PAX5: variants seen among roughly 807,000 people sequenced by gnomAD.
PAX5 encodes the protein paired box 5.
In PAX5, 9 loss-of-function variants were observed where a neutral mutation model predicts 43.7. The ratio of observed to expected loss-of-function variants is 0.21; its 90% CI spans 0.12 to 0.36. The LOEUF (loss-of-function observed/expected upper bound fraction) is 0.36. PAX5 is among the 10% of genes least tolerant of loss of function. The pLI, the probability that PAX5 is intolerant of heterozygous loss-of-function variation, is 1.00. For missense variants in PAX5, 383 were observed against 532.7 expected, an observed-to-expected ratio of 0.72 and a Z score of 2.77; for synonymous variants, 228 against 214.3, an observed-to-expected ratio of 1.06 and a Z score of -0.56.
chr9:36,918,795 G>T (rs1829913407), intron 7 of PAX5, among the ~76,000 whole-genome samples: 1 of 152,230 alleles, frequency 6.6e-6, no homozygotes, highest in African/African-American at 2.4e-5. Context: ...AGAAAAGTTA[G>T]AAGCTAGCAG....
chr9:36,840,712 T>G, intron 9 of PAX5, 76 bp from the exon 10 acceptor site: 1 of 896,946 alleles, frequency 1.1e-6, no homozygotes, highest in Non-Finnish European at 1.7e-6. Context: ...TTCTGTCCTT[T>G]CCTCCCCTCA....
intron 6 of PAX5, among the ~76,000 whole-genome samples, chr9:36,961,856 C>A (rs1041520591): frequency 6.6e-6 from 1 of 152,222 alleles, no homozygotes; most frequent in Admixed American, 6.5e-5. Flanking sequence ...TCGCCACCAG[C>A]AGCTTTCTTT....
intron 9 of PAX5, 27 bp downstream of exon 9, chr9:36,846,816 C>A (rs749153207): frequency 6.4e-7 from 1 of 1,570,328 alleles, no homozygotes; most frequent in East Asian, 2.2e-5. Context: ...GGCCCAAGGG[C>A]CCCGCAGGGC....
intron 1 of PAX5, among the ~76,000 whole-genome samples, chr9:37,032,725 T>A (rs1841108333): frequency 6.6e-6 from 1 of 152,060 alleles, no homozygotes; most frequent in South Asian, 2.1e-4. Context: ...TGTGTGGGAG[T>A]TACACAGTGG....
At chr9:37,000,662 T>A (rs555265548) in intron 5 of PAX5, among the ~76,000 whole-genome samples, 1 of 152,340 alleles carries the variant, frequency 6.6e-6, no homozygotes, top group Non-Finnish European at 1.5e-5. Flanking sequence ...TGATACTCTG[T>A]TGGCAGCCCA....
At chr9:36,916,749 A>G (rs1268364468) in intron 7 of PAX5, among the ~76,000 whole-genome samples, 3 of 151,948 alleles carry the variant, frequency 2.0e-5, no homozygotes, top group Admixed American at 2.0e-4. Flanking sequence ...CAGTGGCGTG[A>G]TCTCGGCTCA....
intron 7 of PAX5, among the ~76,000 whole-genome samples, chr9:36,889,941 C>CGG (rs68091267): frequency 1.5e-3 from 138 of 92,166 alleles, no homozygotes; most frequent in African/African-American, 3.3e-3. Flanking sequence ...TGTACACTAA[C>CGG]GGGGGGGGGG....
At chr9:36,889,633 C>T (rs1827197864) in intron 7 of PAX5, among the ~76,000 whole-genome samples, 1 of 152,232 alleles carries the variant, frequency 6.6e-6, no homozygotes, top group Admixed American at 6.5e-5. Flanking sequence ...GGGCACCCAT[C>T]CTTCTCCTGC....
Position 36,923,361 on chromosome 9 carries a change from C to T in PAX5, c.904G>A (p.Val302Met). ...ATGCCCCAGGTGCCCTCACCTGTCA[C>T]AATGGGGTAGGACTGCGGGCCTGGC... ...SVPGPQSYPI[V>M]TGRDLASTTL... Residue 302 changes from valine to methionine, a missense_variant, in exon 7 of 10, where the codon GTG (valine) becomes ATG (methionine). Coordinates refer to ENST00000358127, the MANE Select transcript of PAX5 (RefSeq NM_016734.3). 1 of 1,611,440 alleles carries T rather than the reference C, an allele frequency of 6.2e-7. No individual in the cohort carries two copies. The highest frequency in any genetic ancestry group is 8.5e-7 in the Non-Finnish European group (1 of 1,178,944).
chr9:36,912,911 G>A (rs1456947769), intron 7 of PAX5, among the ~76,000 whole-genome samples: 1 of 152,186 alleles, frequency 6.6e-6, no homozygotes, highest in Non-Finnish European at 1.5e-5. Flanking sequence ...TTCATAGATA[G>A]GGAAATGAGC....
At chr9:36,985,135 T>A (rs982634464) in intron 5 of PAX5, among the ~76,000 whole-genome samples, 2 of 152,184 alleles carry the variant, frequency 1.3e-5, no homozygotes, top group African/African-American at 4.8e-5. Flanking sequence ...ACGCTGGGCA[T>A]CAGTTTGTCC....
intron 5 of PAX5, among the ~76,000 whole-genome samples, chr9:36,996,381 G>C (rs533838782): frequency 5.3e-5 from 8 of 152,234 alleles, no homozygotes; most frequent in African/African-American, 1.9e-4. Context: ...TAAGTAACTC[G>C]CTACAAGAAG....
rs908501012 is a variant in PAX5, at chr9:37,019,675, G to C, written c.212+961C>G. ...GCTCAAACCATAATGCAAACTACAG[G>C]ACAAAGGTTGTTTTCTGACCCGGGA... On this transcript the variant is annotated intron_variant, in intron 2 of 9. Coordinates refer to ENST00000358127, the MANE Select transcript of PAX5 (RefSeq NM_016734.3). Among the ~76,000 whole-genome samples the C allele has an allele frequency of 1.2e-4, 19 of 152,134 alleles. 1 individual carries two copies. Among genetic ancestry groups the C allele is most frequent in the Admixed American group, 3.3e-4 (5 of 15,272 alleles).
intron 7 of PAX5, among the ~76,000 whole-genome samples, chr9:36,906,404 G>C (rs933731273): frequency 3.9e-5 from 6 of 152,154 alleles, no homozygotes; most frequent in African/African-American, 1.2e-4. Flanking sequence ...TACTCTGCTG[G>C]CTTTGAAGAT....
chr9:36,941,717 A>G lies in PAX5; in HGVS notation c.781-18233T>C, dbSNP rs538590396. Among the ~76,000 whole-genome samples the G allele has an allele frequency of 1.1e-4, 17 of 149,572 alleles. No homozygotes were observed. The East Asian group carries it at 3.4e-3, about 30-fold the overall frequency. ...GCCCCTGGGGAGGCAAACTTGGTGG[A>G]CCCACAAGTCAAGGTGATTCTGGTC... On this transcript the variant is annotated intron_variant, in intron 6 of 9. Transcript: ENST00000358127.
At chr9:36,958,394 C>T (rs1833674968) in intron 6 of PAX5, among the ~76,000 whole-genome samples, 1 of 151,762 alleles carries the variant, frequency 6.6e-6, no homozygotes, top group South Asian at 2.1e-4. Context: ...TTGCTTTGAC[C>T]ATCAGGAAGC....
chr9:36,892,746 A>C (rs1827511613), intron 7 of PAX5, among the ~76,000 whole-genome samples: 2 of 152,258 alleles, frequency 1.3e-5, no homozygotes, highest in Non-Finnish European at 2.9e-5. Context: ...TAAATAAATT[A>C]TGATACTTGC....
At chr9:36,919,296 G>T (rs920677490) in intron 7 of PAX5, among the ~76,000 whole-genome samples, 1 of 151,994 alleles carries the variant, frequency 6.6e-6, no homozygotes, top group African/African-American at 2.4e-5. Context: ...ACTGCTTATT[G>T]ACAATGCACC....
chr9:36,918,597 A>C (rs564261764), intron 7 of PAX5, among the ~76,000 whole-genome samples: 9 of 152,268 alleles, frequency 5.9e-5, no homozygotes, highest in Admixed American at 1.3e-4. Context: ...CAGGAGGTCA[A>C]GACCAGTGAG....
Sources: gnomAD v4.1 joint callset for allele counts (sites outside exome capture counted in the v4.1 genomes callset) on GRCh38, gnomAD v4.1.1 for gene constraint, MANE v1.5 for transcripts, NCBI Gene and HGNC (gene_info 2026-07-23, HGNC 2026-07-21) for gene names.